Variants in TNFAIP6 observed in about 807,000 individuals in gnomAD.
TNFAIP6 encodes TNF alpha induced protein 6.
In TNFAIP6, 36 loss-of-function variants were observed where a neutral mutation model predicts 33.7. That is an observed-to-expected ratio of 1.07 (90% CI 0.82 to 1.41). TNFAIP6 has a LOEUF of 1.41. Ranked by LOEUF, TNFAIP6 falls within the 40% of genes most tolerant of loss-of-function variation. TNFAIP6 has a pLI of 0.00. For synonymous variants in TNFAIP6, 113 were observed against 112.8 expected, an observed-to-expected ratio of 1.00 and a Z score of -0.01; for missense variants, 273 against 331.9, an observed-to-expected ratio of 0.82 and a Z score of 1.38.
rs562216720 is a variant in TNFAIP6, at chr2:151,358,443, T to G, written c.94+683T>G. ...CAGGCCAAACAGTGAAGATAAACAATAGATCAAAAAAGGAAAATGCAGAAA... is the reference window on the plus strand; with the variant it reads ...CAGGCCAAACAGTGAAGATAAACAAGAGATCAAAAAAGGAAAATGCAGAAA... On this transcript the variant is annotated intron_variant, in intron 1 of 5. Coordinates refer to ENST00000243347, the MANE Select transcript of TNFAIP6 (RefSeq NM_007115.4). Among the ~76,000 whole-genome samples, 7 of 152,148 alleles carry G rather than the reference T, an allele frequency of 4.6e-5. No homozygotes were observed. The East Asian group carries it at 1.3e-3, about 29-fold the overall frequency.
intron 3 of TNFAIP6, among the ~76,000 whole-genome samples, chr2:151,367,185 A>G (rs1016960381): frequency 4.6e-5 from 7 of 152,168 alleles, no homozygotes; most frequent in African/African-American, 1.7e-4. Context: ...TAACTAACCT[A>G]TATCTCAAAA....
chr2:151,364,631 C>T (rs1174302324), intron 2 of TNFAIP6, among the ~76,000 whole-genome samples: 1 of 152,168 alleles, frequency 6.6e-6, no homozygotes, highest in Non-Finnish European at 1.5e-5. Context: ...AAGATGGTAT[C>T]AGAAGACCTG....
At chr2:151,378,036 A>T (rs1170742469) in intron 5 of TNFAIP6, among the ~76,000 whole-genome samples, 1 of 152,206 alleles carries the variant, frequency 6.6e-6, no homozygotes, top group Non-Finnish European at 1.5e-5. Flanking sequence ...ATGAGTTAAT[A>T]GATAAAAGCA....
At chr2:151,360,234 G>A (rs184385436) in intron 1 of TNFAIP6, among the ~76,000 whole-genome samples, 139 of 152,246 alleles carry the variant, frequency 9.1e-4, no homozygotes, top group Non-Finnish European at 9.1e-4. Context: ...AGAGGCAGAC[G>A]TTGCAGTGAG....
chr2:151,359,490 G>C (rs894958924), intron 1 of TNFAIP6, among the ~76,000 whole-genome samples: 3 of 149,642 alleles, frequency 2.0e-5, no homozygotes, highest in African/African-American at 7.4e-5. Context: ...CCAGGTTCAC[G>C]CCATTCTCCT....
chr2:151,364,117 C>A (rs1684674109), intron 2 of TNFAIP6, 37 bp downstream of exon 2: 1 of 1,602,788 alleles, frequency 6.2e-7, no homozygotes, highest in Non-Finnish European at 8.5e-7. Context: ...TCTTTTTTAT[C>A]CTTGGAGGAA....
chr2:151,364,748 T>C (rs1684683294), intron 2 of TNFAIP6, among the ~76,000 whole-genome samples: 1 of 152,148 alleles, frequency 6.6e-6, no homozygotes, highest in Non-Finnish European at 1.5e-5. Flanking sequence ...CATTCAGAAC[T>C]CCTTTGCTGA....
intron 1 of TNFAIP6, among the ~76,000 whole-genome samples, chr2:151,360,148 A>G (rs1345078927): frequency 1.3e-5 from 2 of 152,044 alleles, no homozygotes; most frequent in African/African-American, 4.8e-5. Flanking sequence ...AAAAAACACA[A>G]TTAACTGGGT....
intron 4 of TNFAIP6, among the ~76,000 whole-genome samples, chr2:151,371,465 C>T (rs1684813644): frequency 1.3e-5 from 2 of 152,118 alleles, no homozygotes; most frequent in South Asian, 4.2e-4. Flanking sequence ...AAACTCAATC[C>T]CTTTTTATGT....
intron 3 of TNFAIP6, among the ~76,000 whole-genome samples, chr2:151,367,293 C>T (rs1684729757): frequency 6.6e-6 from 1 of 152,084 alleles, no homozygotes; most frequent in African/African-American, 2.4e-5. Context: ...ATTTATGTAA[C>T]TTTAACTTTC....
At chr2:151,361,879 T>C (rs1182729712) in intron 1 of TNFAIP6, among the ~76,000 whole-genome samples, 1 of 152,218 alleles carries the variant, frequency 6.6e-6, no homozygotes, top group Non-Finnish European at 1.5e-5. Context: ...TAAGGTCCTC[T>C]GTGTGTGAGT....
intron 1 of TNFAIP6, among the ~76,000 whole-genome samples, chr2:151,361,628 T>C (rs980310254): frequency 2.0e-5 from 3 of 152,230 alleles, no homozygotes; most frequent in Non-Finnish European, 4.4e-5. Flanking sequence ...AGTGTTCCTC[T>C]ATTTCAAGAT....
intron 5 of TNFAIP6, among the ~76,000 whole-genome samples, chr2:151,376,240 C>G (rs1684904199): frequency 6.6e-6 from 1 of 151,634 alleles, no homozygotes; most frequent in Admixed American, 6.6e-5. Flanking sequence ...AGTAAGATTC[C>G]CTTTCAAAAA....
chr2:151,362,685 T>G (rs1008331154), intron 1 of TNFAIP6, among the ~76,000 whole-genome samples: 2 of 151,908 alleles, frequency 1.3e-5, no homozygotes, highest in Non-Finnish European at 2.9e-5. Context: ...AGAGACAGGG[T>G]TTCACCGTGT....
intron 1 of TNFAIP6, among the ~76,000 whole-genome samples, chr2:151,359,942 G>T (rs1684597753): frequency 6.6e-6 from 1 of 152,144 alleles, no homozygotes; most frequent in African/African-American, 2.4e-5. Context: ...ATTTTACATG[G>T]ATCATGAGAA....
intron 1 of TNFAIP6, among the ~76,000 whole-genome samples, chr2:151,362,548 T>C (rs1045617436): frequency 3.8e-5 from 5 of 132,574 alleles, no homozygotes; most frequent in African/African-American, 1.4e-4. Flanking sequence ...TGGAGTGCAG[T>C]GGCGCAATCT....
downstream of TNFAIP6, among the ~76,000 whole-genome samples, chr2:151,380,625 C>T (rs1684998009): frequency 2.0e-5 from 3 of 152,260 alleles, no homozygotes; most frequent in Middle Eastern, 0.01. Context: ...CTGAGGAGAG[C>T]AGAAACAGAA....
In TNFAIP6 at chr2:151,379,562, C is replaced by G; in HGVS notation, c.*29C>G. ...AAAAAAAAAGGATGATCAAAACACA[C>G]AGTGTTTATGTTGGAATCTTTTGGA... On this transcript the variant is annotated 3_prime_UTR_variant, in exon 6 of 6. Coordinates refer to ENST00000243347, the MANE Select transcript of TNFAIP6 (RefSeq NM_007115.4). The G allele has an allele frequency of 1.4e-6, 2 of 1,461,686 alleles. No individual in the cohort carries two copies. Among genetic ancestry groups the G allele is most frequent in the Non-Finnish European group, 1.8e-6 (2 of 1,092,378 alleles). 90.5% of individuals were successfully genotyped at this position (1,461,686 alleles called of 1,614,324 possible).
intron 5 of TNFAIP6, among the ~76,000 whole-genome samples, chr2:151,374,855 G>A (rs1684875664): frequency 1.3e-5 from 2 of 152,152 alleles, no homozygotes; most frequent in Non-Finnish European, 2.9e-5. Flanking sequence ...GCCAGGTGCC[G>A]TGGCTCACGT....
Sources: gnomAD v4.1 joint callset for allele counts (sites outside exome capture counted in the v4.1 genomes callset) on GRCh38, gnomAD v4.1.1 for gene constraint, MANE v1.5 for transcripts, NCBI Gene and HGNC (gene_info 2026-07-23, HGNC 2026-07-21) for gene names.